FGD6: variants seen among roughly 807,000 people sequenced by gnomAD.
FGD6 encodes the protein FYVE, RhoGEF and PH domain containing 6.
Under a neutral mutation model 149.4 loss-of-function variants are expected in FGD6, and 90 were observed. The observed-to-expected ratio is 0.60, with a 90% CI of 0.51 to 0.72. FGD6 has a LOEUF of 0.72. FGD6 is among the 30% of genes least tolerant of loss of function. The probability of loss-of-function intolerance (pLI) is 0.00; values close to 1 mark genes in which losing one functional copy is unlikely to be tolerated. For missense variants in FGD6, 1,437 were observed against 1,684.8 expected (o/e 0.85, Z 2.57); for synonymous variants, 527 against 584.0 (o/e 0.90, Z 1.41).
chr12:95,154,995 G>A (rs932536709), intron 3 of FGD6, among the ~76,000 whole-genome samples: 7 of 150,796 alleles, frequency 4.6e-5, no homozygotes, highest in South Asian at 2.1e-4. Flanking sequence ...AACTTTTTTC[G>A]ACTGCTTCCA....
At chr12:95,117,095 A>G (rs1020683499) in intron 8 of FGD6, 1 of 260,844 alleles carries the variant, frequency 3.8e-6, no homozygotes, top group Non-Finnish European at 7.8e-6. Context: ...CCTAATAACA[A>G]CGAGGAGAGC....
chr12:95,154,291 T>C (rs1880402776), intron 3 of FGD6, among the ~76,000 whole-genome samples: 1 of 152,072 alleles, frequency 6.6e-6, no homozygotes, highest in African/African-American at 2.4e-5. Context: ...CTACTTTGTA[T>C]AAAAACTAAA....
chr12:95,125,892 G>A lies in FGD6; in HGVS notation c.3082+8847C>T. 2.2e-6 allele frequency: 3 copies of A among 1,383,526 alleles called. No homozygotes were observed. In the South Asian group the frequency reaches 3.5e-5, roughly 16 times the overall value. 85.7% of individuals were successfully genotyped at this position (1,383,526 alleles called of 1,614,324 possible). A position where few individuals can be genotyped will look rare whatever the true frequency, so the allele number is the denominator to read the frequency against. On this transcript the variant is annotated intron_variant, in intron 8 of 20. Coordinates refer to ENST00000343958, the MANE Select transcript of FGD6 (RefSeq NM_018351.4). ...TTTGGTTGGTGGACCTTGCGCTCAA[G>A]TGAGGAGACAGGCCATGCCTTTCAA...
chr12:95,148,667 CATAGCATATGTTATATTAT>C lies in FGD6; in HGVS notation c.2685+4125_2685+4143del, dbSNP rs1565908230. 2.6e-3 allele frequency among the ~76,000 whole-genome samples: 292 copies of C among 114,108 alleles called. 16 individuals carry two copies. Among genetic ancestry groups the C allele is most frequent in the African/African-American group, 9.6e-3 (278 of 28,924 alleles). 74.9% of individuals were successfully genotyped at this position (114,108 alleles called of 152,430 possible). ...TATATATATTATATATTATATAATACATAGCATATGTTATATTATATATATTATATATTATATAATACAT... is the reference window on the plus strand; with the variant it reads ...TATATATATTATATATTATATAATACATATATTATATATTATATAATACAT... On this transcript the variant is annotated intron_variant, in intron 5 of 20. Coordinates refer to ENST00000343958, the MANE Select transcript of FGD6 (RefSeq NM_018351.4).
At chr12:95,153,359 G>A (rs944813780) in intron 3 of FGD6, among the ~76,000 whole-genome samples, 5 of 152,146 alleles carry the variant, frequency 3.3e-5, no homozygotes, top group African/African-American at 1.2e-4. Context: ...CTTTGGGTGT[G>A]TACAAATAAT....
At chr12:95,198,134 T>C (rs1565921955) in intron 2 of FGD6, among the ~76,000 whole-genome samples, 1 of 152,170 alleles carries the variant, frequency 6.6e-6, no homozygotes, top group Non-Finnish European at 1.5e-5. Flanking sequence ...TCTACCAATA[T>C]TAATAATAAA....
intron 9 of FGD6, among the ~76,000 whole-genome samples, chr12:95,113,404 TG>T (rs1403436510): frequency 6.6e-6 from 1 of 151,944 alleles, no homozygotes; most frequent in Admixed American, 6.6e-5. Flanking sequence ...GGCTAGTTTT[TG>T]TATTTTTTTT....
At chr12:95,173,317 A>G (rs1216936096) in intron 2 of FGD6, among the ~76,000 whole-genome samples, 3 of 152,214 alleles carry the variant, frequency 2.0e-5, no homozygotes, top group African/African-American at 7.2e-5. Flanking sequence ...GATTATGCTC[A>G]AGACCTGCTG....
In FGD6 at chr12:95,094,715, C is replaced by G. The variant is rs771473760; in HGVS notation, c.3498-21G>C. ...CAGAACTGTTGGGGGCAAAAGGTTTCATCAACCAGATGTCAGTTTTTGTTC... is the reference window on the plus strand; with the variant it reads ...CAGAACTGTTGGGGGCAAAAGGTTTGATCAACCAGATGTCAGTTTTTGTTC... On this transcript the variant is annotated intron_variant, in intron 14 of 20. Transcript: ENST00000343958. 1.9e-6 allele frequency: 3 copies of G among 1,554,918 alleles called. No individual in the cohort carries two copies. The South Asian group carries it at 3.4e-5, about 17-fold the overall frequency.
chr12:95,148,667 CATAGCAT>C (rs1880112393), intron 5 of FGD6, among the ~76,000 whole-genome samples: 13 of 114,100 alleles, frequency 1.1e-4, no homozygotes, highest in African/African-American at 3.1e-4. Flanking sequence ...TTATATAATA[CATAGCAT>C]ATGTTATATT....
intron 6 of FGD6, among the ~76,000 whole-genome samples, chr12:95,141,168 A>G (rs945466521): frequency 6.6e-6 from 1 of 152,230 alleles, no homozygotes; most frequent in African/African-American, 2.4e-5. Flanking sequence ...GGTTGCAGTG[A>G]GCCGAGATTG....
chr12:95,164,031 T>G (rs1880721654), intron 3 of FGD6, among the ~76,000 whole-genome samples: 1 of 152,210 alleles, frequency 6.6e-6, no homozygotes, highest in Non-Finnish European at 1.5e-5. Flanking sequence ...TAAATTACAT[T>G]GCATTTCAAA....
intron 16 of FGD6, 130 bp from the exon 17 acceptor site, chr12:95,091,939 G>A: frequency 1.5e-6 from 1 of 653,856 alleles, no homozygotes. Context: ...GTCTCACTTC[G>A]TCTCAATAAT....
chr12:95,165,933 C>A (rs1880798326), intron 3 of FGD6, among the ~76,000 whole-genome samples: 1 of 151,718 alleles, frequency 6.6e-6, no homozygotes, highest in African/African-American at 2.4e-5. Context: ...AGGTGTGAGC[C>A]ACCATGCCTG....
chr12:95,152,749 G>A, intron 5 of FGD6, 62 bp downstream of exon 5: 1 of 1,475,000 alleles, frequency 6.8e-7, no homozygotes, highest in Non-Finnish European at 9.3e-7. Context: ...AAACTTCTAG[G>A]GGTAGGGAAA....
rs1274156372 is a variant in FGD6, at chr12:95,081,357, C to T, written c.*163G>A. ...ATAACATAAATGAAAAAACAAACAC[C>T]TTTTAAAAATTGCTTATACCTAACA... On this transcript the variant is annotated 3_prime_UTR_variant, in exon 21 of 21. Coordinates refer to ENST00000343958, the MANE Select transcript of FGD6 (RefSeq NM_018351.4). The T allele has an allele frequency of 4.5e-6, 2 of 445,894 alleles. No homozygotes were observed. Among genetic ancestry groups the T allele is most frequent in the Admixed American group, 8.0e-5 (2 of 24,956 alleles). 27.6% of individuals were successfully genotyped at this position (445,894 alleles called of 1,614,324 possible). A position where few individuals can be genotyped will look rare whatever the true frequency, so the allele number is the denominator to read the frequency against.
intron 2 of FGD6, among the ~76,000 whole-genome samples, chr12:95,186,228 CTTTTTTTTTTTTTTTTTTTT>C (rs1174763781): frequency 5.1e-5 from 2 of 38,936 alleles, no homozygotes; most frequent in Non-Finnish European, 9.9e-5. Context: ...TATTCTTCTT[CTTTTTTTTTTTTTTTTTTTT>C]TTTTTTTTTT....
intron 2 of FGD6, among the ~76,000 whole-genome samples, chr12:95,196,004 C>T (rs1459349153): frequency 6.6e-6 from 1 of 152,008 alleles, no homozygotes; most frequent in Non-Finnish European, 1.5e-5. Flanking sequence ...CGTCTCTAAT[C>T]AGCTACTTGG....
At chr12:95,086,536 CTTTTTTTT>C (rs1010739533) in intron 18 of FGD6, among the ~76,000 whole-genome samples, 17 of 105,734 alleles carry the variant, frequency 1.6e-4, no homozygotes, top group African/African-American at 4.5e-4. Context: ...TTTTTTTTTT[CTTTTTTTT>C]TTTTTTTTTT....
Sources: gnomAD v4.1 joint callset for allele counts (sites outside exome capture counted in the v4.1 genomes callset) on GRCh38, gnomAD v4.1.1 for gene constraint, MANE v1.5 for transcripts, NCBI Gene and HGNC (gene_info 2026-07-23, HGNC 2026-07-21) for gene names.